CARD6: variants seen among roughly 807,000 people sequenced by gnomAD.
CARD6 encodes caspase recruitment domain-containing protein 6.
Under a neutral mutation model 23.6 loss-of-function variants are expected in CARD6, and 27 were observed. That is an observed-to-expected ratio of 1.14 (90% CI 0.84 to 1.58). The LOEUF (loss-of-function observed/expected upper bound fraction) is 1.58, where lower values mean the gene tolerates loss of function less well. CARD6 is among the 40% of genes most tolerant of loss of function. The pLI is 0.00. For missense variants in CARD6, 1,214 were observed against 1,209.9 expected (o/e 1.00, Z -0.05); for synonymous variants, 397 against 431.8 (o/e 0.92, Z 1.00).
chr5:40,842,303 TA>T (rs1241840778), intron 1 of CARD6, among the ~76,000 whole-genome samples: 5 of 151,694 alleles, frequency 3.3e-5, no homozygotes, highest in Non-Finnish European at 4.4e-5. Context: ...TCTAGGAATC[TA>T]AAAAAAAATT....
Position 40,852,962 on chromosome 5 carries a change from G to T in CARD6, c.1630G>T (p.Gly544Cys). The part of the protein sequence containing the change: ...GNLESFWTQF[G>C]FLMEVSSAVF... ...TCTAGAAAGCTTTTGGACTCAGTTT[G>T]GTTTTTTGATGGAAGTTTCTTCAGC... Residue 544 changes from glycine to cysteine, a missense_variant, in exon 3 of 3, where the codon GGT (glycine) becomes TGT (cysteine). Transcript: ENST00000254691. The T allele has an allele frequency of 6.2e-7, 1 of 1,614,064 alleles. No homozygotes were observed. Among genetic ancestry groups the T allele is most frequent in the South Asian group, 1.1e-5 (1 of 91,074 alleles).
chr5:40,852,085 T>TG (rs1746075336), intron 2 of CARD6, 89 bp from the exon 3 acceptor site: 1 of 765,558 alleles, frequency 1.3e-6, no homozygotes, highest in African/African-American at 1.8e-5. Context: ...CCAGCCTAGG[T>TG]GATGGAGTGA....
At chr5:40,848,281 C>T (rs1309339661) in intron 2 of CARD6, among the ~76,000 whole-genome samples, 2 of 147,788 alleles carry the variant, frequency 1.4e-5, no homozygotes, top group Non-Finnish European at 3.0e-5. Context: ...ACAATCTTGG[C>T]TCACTGCAGC....
In CARD6 at chr5:40,852,564, A is replaced by G; in HGVS notation, c.1232A>G (p.Asp411Gly). 1 of 1,614,242 alleles carries G rather than the reference A, an allele frequency of 6.2e-7. No individual in the cohort carries two copies. Among genetic ancestry groups the G allele is most frequent in the Non-Finnish European group, 8.5e-7 (1 of 1,180,046 alleles). The change falls in exon 3 of 3, where the codon GAT (aspartate) becomes GGT (glycine). Residue 411 changes from aspartate to glycine, a missense_variant. Asp to Gly is a moderately conservative substitution (Grantham distance 94, BLOSUM62 -1). Coordinates refer to ENST00000254691, the MANE Select transcript of CARD6 (RefSeq NM_032587.4). ...CQFALPLLLPDAENNKSILML... is the reference protein window; with the variant it reads ...CQFALPLLLPGAENNKSILML... ...TTTGCTCTTCCCCTGCTACTGCCAG[A>G]TGCAGAAAACAACAAAAGCATCTTA...
Position 40,854,169 on chromosome 5 carries a change from A to G in CARD6, c.2837A>G (p.Gln946Arg). Residue 946 changes from glutamine to arginine, a missense_variant, in exon 3 of 3, where the codon CAG becomes CGG. Gln to Arg is a conservative substitution (Grantham distance 43). Transcript: ENST00000254691. ...AAGAGCTCTCAGTTCAAATCCGATC[A>G]GTCCAACCCATCCACAGTCAAACAC... ...MCKSSQFKSDQSNPSTVKHSQ... is the reference protein window; with the variant it reads ...MCKSSQFKSDRSNPSTVKHSQ... The G allele has an allele frequency of 6.2e-7, 1 of 1,614,228 alleles. No individual in the cohort carries two copies. The highest frequency in any genetic ancestry group is 1.7e-5 in the Admixed American group (1 of 60,028).
At position 40,853,483 on chromosome 5, in the gene CARD6, T is replaced by A. The variant is rs757489251; in HGVS notation, c.2151T>A (p.Asn717Lys). ...GTGAGCTCAGCCAGAATCTTCAGAA[T>A]CTCTATGGTACCCCAGTATTCAGGC... The part of the protein sequence containing the change: ...TQCELSQNLQ[N>K]LYGTPVFRPV... The change falls in exon 3 of 3, where the codon AAT becomes AAA. Residue 717 changes from asparagine to lysine, a missense_variant. Physicochemically the swap from Asn to Lys is moderately conservative, Grantham distance 94. Coordinates refer to ENST00000254691, the MANE Select transcript of CARD6 (RefSeq NM_032587.4). 6.2e-7 allele frequency: 1 copy of A among 1,614,048 alleles called. No individual in the cohort carries two copies. The highest frequency in any genetic ancestry group is 1.3e-5 in the African/African-American group (1 of 74,936).
In CARD6 at chr5:40,841,685, T is replaced by C; in HGVS notation, c.283+20T>C. ...GGCATGGTAAGTTGACTTTGTATACTTTTTGGGGTGAGAGGAAGGGGGCAG... is the reference window on the plus strand; with the variant it reads ...GGCATGGTAAGTTGACTTTGTATACCTTTTGGGGTGAGAGGAAGGGGGCAG... On this transcript the variant is annotated intron_variant, in intron 1 of 2. Coordinates refer to ENST00000254691, the MANE Select transcript of CARD6 (RefSeq NM_032587.4). 1.3e-6 allele frequency: 2 copies of C among 1,577,924 alleles called. No homozygotes were observed. The highest frequency in any genetic ancestry group is 1.7e-6 in the Non-Finnish European group (2 of 1,160,084).
Position 40,853,498 on chromosome 5 carries a change from A to G in CARD6, c.2166A>G (p.Pro722=), listed in dbSNP as rs1295294612. ...SQNLQNLYGT[P]VFRPVLENSW... ...ATCTTCAGAATCTCTATGGTACCCC[A>G]GTATTCAGGCCTGTTCTAGAGAACT... The change falls in exon 3 of 3, where the codon CCA becomes CCG. Residue 722 remains proline (P), a synonymous_variant. Transcript: ENST00000254691. 2 of 1,614,074 alleles carry G rather than the reference A, an allele frequency of 1.2e-6. No homozygotes were observed. The highest frequency in any genetic ancestry group is 1.7e-6 in the Non-Finnish European group (2 of 1,180,026).
chr5:40,853,689 A>G lies in CARD6; in HGVS notation c.2357A>G (p.Gln786Arg). ...AQGRGKSFGI[Q>R]SFHPQIFYSG... is the part of the protein sequence containing the mutation. ...GGCCGAGGTAAAAGTTTTGGTATTC[A>G]ATCCTTCCATCCCCAGATATTTTAT... Residue 786 changes from glutamine (Q) to arginine (R), a missense_variant, in exon 3 of 3, where the codon CAA (glutamine) becomes CGA (arginine). Gln to Arg is a conservative substitution (Grantham distance 43). Coordinates refer to ENST00000254691, the MANE Select transcript of CARD6 (RefSeq NM_032587.4). The G allele has an allele frequency of 6.2e-7, 1 of 1,614,216 alleles. No individual in the cohort carries two copies. The highest frequency in any genetic ancestry group is 8.5e-7 in the Non-Finnish European group (1 of 1,180,044).
Position 40,843,160 on chromosome 5 carries a change from A to T in CARD6, c.292A>T (p.Lys98Ter). Residue 98 changes from lysine to a stop codon, truncating the protein, a stop_gained, in exon 2 of 3, where the codon AAA (lysine) becomes TAA (stop). Transcript: ENST00000254691. LOFTEE classifies it high-confidence loss of function. ...AATTCTTTTCTTTGCAGAAGTTTTA[A>T]AACATGAGAATACAGTACCTCCTCA... ...AICGLRHEVL[K>*]HENTVPPQSM... 6.4e-7 allele frequency: 1 copy of T among 1,571,470 alleles called. No homozygotes were observed. Among genetic ancestry groups the T allele is most frequent in the Non-Finnish European group, 8.6e-7 (1 of 1,165,278 alleles).
chr5:40,852,255 A>C lies in CARD6; in HGVS notation c.923A>C (p.Gln308Pro). Reference protein sequence around the residue: ...SRKVLPDFVKQFSLDRGCKWT... With the variant: ...SRKVLPDFVKPFSLDRGCKWT... Reference sequence around the variant, plus strand: ...AAGGTTCTGCCAGATTTTGTTAAACAATTCTCCTTAGATCGAGGATGTAAG... The same window carrying C: ...AAGGTTCTGCCAGATTTTGTTAAACCATTCTCCTTAGATCGAGGATGTAAG... Residue 308 changes from glutamine (Q) to proline (P), a missense_variant, in exon 3 of 3, where the codon CAA becomes CCA. Transcript: ENST00000254691. 6.2e-7 allele frequency: 1 copy of C among 1,614,204 alleles called. No homozygotes were observed. Among genetic ancestry groups the C allele is most frequent in the South Asian group, 1.1e-5 (1 of 91,078 alleles).
In CARD6 at chr5:40,854,071, G is replaced by C; in HGVS notation, c.2739G>C (p.Gln913His). 1 of 1,614,184 alleles carries C rather than the reference G, an allele frequency of 6.2e-7. No individual in the cohort carries two copies. The highest frequency in any genetic ancestry group is 8.5e-7 in the Non-Finnish European group (1 of 1,180,030). Reference sequence around the variant, plus strand: ...CACAAAAACTAAGACCTGCTTCTCAGCAAGGAGTCCAGATGAAGACACAAG... The same window carrying C: ...CACAAAAACTAAGACCTGCTTCTCACCAAGGAGTCCAGATGAAGACACAAG... The part of the protein sequence containing the change: ...AATQKLRPAS[Q>H]QGVQMKTQGG... The change falls in exon 3 of 3, where the codon CAG (glutamine) becomes CAC (histidine). Residue 913 changes from glutamine to histidine, a missense_variant. Physicochemically the swap from Gln to His is conservative, Grantham distance 24 (BLOSUM62 0). Coordinates refer to ENST00000254691, the MANE Select transcript of CARD6 (RefSeq NM_032587.4).
chr5:40,845,612 A>T (rs1388999566), intron 2 of CARD6, among the ~76,000 whole-genome samples: 2 of 152,136 alleles, frequency 1.3e-5, no homozygotes, highest in East Asian at 3.8e-4. Context: ...GCATAGTATC[A>T]TCATTATTCT....
Position 40,843,530 on chromosome 5 carries a change from C to T in CARD6, c.662C>T (p.Pro221Leu), listed in dbSNP as rs752166361. Residue 221 changes from proline to leucine, a missense_variant, in exon 2 of 3, where the codon CCT (proline) becomes CTT (leucine). By Grantham distance (98) the Pro-to-Leu change is moderately conservative. Coordinates refer to ENST00000254691, the MANE Select transcript of CARD6 (RefSeq NM_032587.4). ...GAATATCTAGGATCTGTTGACACCC[C>T]TGAAGATGCAGAAGCCACTGTGGAA... The part of the protein sequence containing the change: ...KEEYLGSVDT[P>L]EDAEATVEEE... The T allele has an allele frequency of 2.4e-5, 39 of 1,608,014 alleles. No individual in the cohort carries two copies. The Admixed American group carries it at 6.7e-4, about 27-fold the overall frequency.
At chr5:40,850,365 G>A (rs935099932) in intron 2 of CARD6, among the ~76,000 whole-genome samples, 11 of 134,702 alleles carry the variant, frequency 8.2e-5, no homozygotes, top group Non-Finnish European at 1.7e-4. Context: ...AGTGAGCTGA[G>A]ATCGTGCCAC....
intron 2 of CARD6, among the ~76,000 whole-genome samples, chr5:40,848,551 C>T (rs1017202975): frequency 6.6e-6 from 1 of 152,076 alleles, no homozygotes; most frequent in African/African-American, 2.4e-5. Flanking sequence ...ACATCTAGGT[C>T]ATTTTGGATT....
chr5:40,844,577 C>T (rs1358673792), intron 2 of CARD6, among the ~76,000 whole-genome samples: 1 of 152,138 alleles, frequency 6.6e-6, no homozygotes, highest in Admixed American at 6.6e-5. Flanking sequence ...AGAAGTGTTT[C>T]ATTGGAGTGA....
intron 2 of CARD6, among the ~76,000 whole-genome samples, chr5:40,850,773 T>C (rs145567689): frequency 6.3e-4 from 92 of 146,640 alleles, no homozygotes; most frequent in Middle Eastern, 7.4e-3. Context: ...GTATTTCTCA[T>C]AGATGTATAT....
In CARD6 at chr5:40,854,158, C is replaced by A. The variant is rs1310732327; in HGVS notation, c.2826C>A (p.Phe942Leu). 4 of 1,614,214 alleles carry A rather than the reference C, an allele frequency of 2.5e-6. No individual in the cohort carries two copies. In the Admixed American group the frequency reaches 5.0e-5, roughly 20 times the overall value. The change falls in exon 3 of 3, where the codon TTC becomes TTA. Residue 942 changes from phenylalanine to leucine, a missense_variant. Phe to Leu is a conservative substitution (Grantham distance 22). Coordinates refer to ENST00000254691, the MANE Select transcript of CARD6 (RefSeq NM_032587.4). ...GSHPMCKSSQ[F>L]KSDQSNPSTV... ...ATCCCATGTGCAAGAGCTCTCAGTT[C>A]AAATCCGATCAGTCCAACCCATCCA...
Sources: allele counts gnomAD v4.1 joint callset (sites outside exome capture counted in the v4.1 genomes callset), GRCh38; gene constraint gnomAD v4.1.1; transcripts MANE v1.5; gene names NCBI Gene and HGNC (gene_info 2026-07-23, HGNC 2026-07-21).